Variants in EPHA6 observed in about 807,000 individuals in gnomAD.
EPHA6 encodes the protein ephrin type-A receptor 6.
Under a neutral mutation model 112.0 loss-of-function variants are expected in EPHA6, and 50 were observed. The observed-to-expected ratio is 0.45, with a 90% CI of 0.36 to 0.56. EPHA6 has a LOEUF of 0.56. EPHA6 is among the 20% of genes least tolerant of loss of function. The probability of loss-of-function intolerance (pLI) is 0.00; values close to 1 mark genes in which losing one functional copy is unlikely to be tolerated. For synonymous variants in EPHA6, 529 were observed against 490.7 expected (o/e 1.08, Z -1.03); for missense variants, 1,280 against 1,417.4 (o/e 0.90, Z 1.56).
intron 10 of EPHA6, among the ~76,000 whole-genome samples, chr3:97,501,058 T>C (rs1412470726): frequency 1.3e-5 from 2 of 152,154 alleles, no homozygotes; most frequent in Non-Finnish European, 2.9e-5. Flanking sequence ...TTTAGTTTCC[T>C]GTACCTCTCA....
intron 2 of EPHA6, among the ~76,000 whole-genome samples, chr3:96,934,004 T>A (rs7611642): frequency 0.31 from 47,480 of 151,878 alleles, 15,399 homozygotes; most frequent in African/African-American, 0.81. Context: ...ATTATTATTT[T>A]ATGTACCAAA....
At chr3:97,328,078 T>TATATATATATAA (rs1309698190) in intron 5 of EPHA6, among the ~76,000 whole-genome samples, 8 of 138,394 alleles carry the variant, frequency 5.8e-5, no homozygotes, top group African/African-American at 2.1e-4. Context: ...TATATATATA[T>TATATATATATAA]AACCTGTTTT....
intron 3 of EPHA6, among the ~76,000 whole-genome samples, chr3:97,171,369 G>A (rs922638881): frequency 6.6e-6 from 1 of 152,112 alleles, no homozygotes; most frequent in African/African-American, 2.4e-5. Flanking sequence ...GAAAATTTAT[G>A]TGTAGGAGAG....
intron 3 of EPHA6, among the ~76,000 whole-genome samples, chr3:97,140,008 AAGAG>A (rs981787663): frequency 1.3e-5 from 2 of 152,154 alleles, no homozygotes; most frequent in African/African-American, 4.8e-5. Flanking sequence ...TGTTAAAAAA[AAGAG>A]AGTGTCTGGA....
At position 97,761,063 on chromosome 3, in the gene EPHA6, A is replaced by T. The variant is rs932638111; in HGVS notation, c.*12362A>T. 2 of 209,048 alleles carry T rather than the reference A, an allele frequency of 9.6e-6. No individual in the cohort carries two copies. Among genetic ancestry groups the T allele is most frequent in the Admixed American group, 1.2e-4 (2 of 16,934 alleles). The allele number at this position is 209,048 out of a possible 1,614,324, so 12.9% of individuals were successfully genotyped here. A position where few individuals can be genotyped will look rare whatever the true frequency, so the allele number is the denominator to read the frequency against. On this transcript the variant is annotated 3_prime_UTR_variant, in exon 18 of 18. Transcript: ENST00000389672. Reference sequence around the variant, plus strand: ...GCCTACATTCTCTTTTCTGGTTATAATCACAATATGGTAGAGCTATAAACA... The same window carrying T: ...GCCTACATTCTCTTTTCTGGTTATATTCACAATATGGTAGAGCTATAAACA...
chr3:97,531,982 G>T (rs1287414333), intron 10 of EPHA6, among the ~76,000 whole-genome samples: 1 of 151,976 alleles, frequency 6.6e-6, no homozygotes, highest in Non-Finnish European at 1.5e-5. Context: ...TGGATTCCCT[G>T]AATAGAGTAA....
chr3:97,596,093 G>C (rs894633899), intron 12 of EPHA6, among the ~76,000 whole-genome samples: 8 of 151,532 alleles, frequency 5.3e-5, no homozygotes, highest in African/African-American at 1.9e-4. Flanking sequence ...TTTTAGTAGA[G>C]GCGGGGTTTC....
At chr3:96,845,120 C>T (rs564676576) in intron 1 of EPHA6, among the ~76,000 whole-genome samples, 10 of 151,386 alleles carry the variant, frequency 6.6e-5, no homozygotes, top group African/African-American at 1.7e-4. Flanking sequence ...TTTTTTTAAA[C>T]GAGGAAAGAA....
chr3:97,507,004 C>T (rs549415874), intron 10 of EPHA6, among the ~76,000 whole-genome samples: 5 of 152,058 alleles, frequency 3.3e-5, no homozygotes, highest in Non-Finnish European at 7.4e-5. Context: ...GTGATTTTTG[C>T]ACATTGATTT....
chr3:97,539,005 T>C (rs1241496992), intron 11 of EPHA6, among the ~76,000 whole-genome samples: 1 of 150,234 alleles, frequency 6.7e-6, no homozygotes, highest in Non-Finnish European at 1.5e-5. Context: ...CTTTCTTTCT[T>C]TCTTTCTTTC....
At chr3:97,448,166 G>C (rs1029966675) in intron 6 of EPHA6, among the ~76,000 whole-genome samples, 2 of 152,084 alleles carry the variant, frequency 1.3e-5, no homozygotes, top group African/African-American at 4.8e-5. Flanking sequence ...ACTACCTGCG[G>C]GTAGAAGTGA....
chr3:97,605,036 C>T (rs2093670393), intron 12 of EPHA6, among the ~76,000 whole-genome samples: 1 of 151,478 alleles, frequency 6.6e-6, no homozygotes, highest in African/African-American at 2.4e-5. Flanking sequence ...GGGAGACAGA[C>T]ACCTATGTTG....
intron 3 of EPHA6, among the ~76,000 whole-genome samples, chr3:97,079,759 T>C (rs1423494892): frequency 1.3e-5 from 2 of 152,076 alleles, no homozygotes; most frequent in Non-Finnish European, 2.9e-5. Flanking sequence ...GCAAACTTTA[T>C]TGTCTTATTT....
chr3:97,137,850 T>G, intron 3 of EPHA6, among the ~76,000 whole-genome samples: 1 of 151,886 alleles, frequency 6.6e-6, no homozygotes, highest in Non-Finnish European at 1.5e-5. Flanking sequence ...ATAATAAAAA[T>G]AAAAATAAAT....
chr3:97,423,531 T>C (rs77480076), intron 6 of EPHA6, among the ~76,000 whole-genome samples: 3 of 152,274 alleles, frequency 2.0e-5, no homozygotes, highest in East Asian at 3.9e-4. Flanking sequence ...AAACTATTCA[T>C]GTACAGGATA....
chr3:96,857,887 T>G (rs1243367168), intron 1 of EPHA6, among the ~76,000 whole-genome samples: 1 of 152,120 alleles, frequency 6.6e-6, no homozygotes, highest in Non-Finnish European at 1.5e-5. Context: ...TGTGTCCGGT[T>G]TAATGACCCA....
intron 5 of EPHA6, among the ~76,000 whole-genome samples, chr3:97,361,471 C>T (rs181538030): frequency 2.2e-3 from 336 of 152,232 alleles, no homozygotes; most frequent in South Asian, 0.015. Context: ...TTTTCTGTTG[C>T]TTATAACATA....
chr3:97,388,249 C>G (rs547131125), intron 5 of EPHA6, among the ~76,000 whole-genome samples: 1 of 152,112 alleles, frequency 6.6e-6, no homozygotes, highest in Non-Finnish European at 1.5e-5. Flanking sequence ...AAACCATCCA[C>G]GATTATGCCA....
At chr3:97,186,558 C>A (rs1282638251) in intron 3 of EPHA6, among the ~76,000 whole-genome samples, 1 of 152,090 alleles carries the variant, frequency 6.6e-6, no homozygotes, top group African/African-American at 2.4e-5. Flanking sequence ...AAAGGATTTA[C>A]TGGGTGCCAA....
Sources: gnomAD v4.1 joint callset for allele counts (sites outside exome capture counted in the v4.1 genomes callset) on GRCh38, gnomAD v4.1.1 for gene constraint, MANE v1.5 for transcripts, NCBI Gene and HGNC (gene_info 2026-07-23, HGNC 2026-07-21) for gene names.